TMCC2: variants seen among roughly 807,000 people sequenced by gnomAD.
TMCC2 encodes the protein transmembrane and coiled-coil domains protein 2.
A neutral mutation model predicts 49.4 loss-of-function variants in TMCC2; 16 were observed. The ratio of observed to expected loss-of-function variants is 0.32; its 90% CI spans 0.22 to 0.49. The LOEUF (loss-of-function observed/expected upper bound fraction) is 0.49. Among genes scored for constraint, TMCC2 ranks in the 20% least tolerant of loss-of-function variants. The pLI is 0.99. For missense variants in TMCC2, 762 were observed against 989.8 expected, an observed-to-expected ratio of 0.77 and a Z score of 3.09; for synonymous variants, 397 against 434.1, an observed-to-expected ratio of 0.91 and a Z score of 1.06.
Position 205,269,490 on chromosome 1 carries a change from A to G in TMCC2, c.1288A>G (p.Ser430Gly), listed in dbSNP as rs781497935. ...GGTGTCCAAGCCCCGGGAGTTTGCC[A>G]GCCTCATCCGCAACAAGTTTGGCAG... ...AVVSKPREFASLIRNKFGSAD... is the reference protein window; with the variant it reads ...AVVSKPREFAGLIRNKFGSAD... The change falls in exon 3 of 5, where the codon AGC becomes GGC. Residue 430 changes from serine (S) to glycine (G), a missense_variant. This residue lies in a region of TMCC2 where 440 missense variants were observed against 636.7 expected (regional missense o/e 0.69). Transcript: ENST00000358024. 1.2e-6 allele frequency: 2 copies of G among 1,608,452 alleles called. No individual in the cohort carries two copies. Among genetic ancestry groups the G allele is most frequent in the East Asian group, 2.2e-5 (1 of 44,718 alleles).
chr1:205,228,526 G>T lies in TMCC2; in HGVS notation c.-39G>T. ...GGTGCGGTCTTCCCCAAGACGGCGC[G>T]CTGGAAGGACAGATTCCCCTTGCCG... is the stretch of plus-strand genomic sequence containing the variant. On this transcript the variant is annotated 5_prime_UTR_variant, in exon 1 of 5. Transcript: ENST00000358024. 1.3e-6 allele frequency: 2 copies of T among 1,559,406 alleles called. No individual in the cohort carries two copies. Among genetic ancestry groups the T allele is most frequent in the Non-Finnish European group, 8.7e-7 (1 of 1,145,788 alleles).
chr1:205,269,258 G>A lies in TMCC2; in HGVS notation c.1056G>A (p.Lys352=), dbSNP rs1368209038. ...KSAQTIAQLH[K]KLEHYRRRLK... is the part of the protein sequence containing the mutation. ...CCCAGACCATCGCCCAGCTGCACAA[G>A]AAGCTGGAGCACTACCGCCGGCGCC... Residue 352 remains lysine, a synonymous_variant, in exon 3 of 5, where the codon AAG becomes AAA. Coordinates refer to ENST00000358024, the MANE Select transcript of TMCC2 (RefSeq NM_014858.4). 2.5e-6 allele frequency: 4 copies of A among 1,613,764 alleles called. No homozygotes were observed. The African/African-American group carries it at 5.3e-5, about 22-fold the overall frequency.
intron 1 of TMCC2, among the ~76,000 whole-genome samples, chr1:205,233,347 G>A (rs1261899947): frequency 2.0e-5 from 3 of 152,202 alleles, no homozygotes; most frequent in Non-Finnish European, 4.4e-5. Flanking sequence ...CTGGTTTGAA[G>A]CACTTTTGAC....
chr1:205,251,738 G>GC (rs1331551208), intron 2 of TMCC2, among the ~76,000 whole-genome samples: 1 of 152,188 alleles, frequency 6.6e-6, no homozygotes, highest in Non-Finnish European at 1.5e-5. Context: ...TTATGGGCAT[G>GC]CCCCCCAAGA....
intron 1 of TMCC2, among the ~76,000 whole-genome samples, chr1:205,233,366 C>T (rs150252165): frequency 3.3e-5 from 5 of 152,344 alleles, no homozygotes; most frequent in Middle Eastern, 3.4e-3. Context: ...ACTCAAGACT[C>T]ATTTGGGTTC....
At chr1:205,262,691 G>T (rs943535713) in intron 2 of TMCC2, among the ~76,000 whole-genome samples, 3 of 152,198 alleles carry the variant, frequency 2.0e-5, no homozygotes, top group Non-Finnish European at 4.4e-5. Context: ...GTTTGCCCCA[G>T]AGGGAGGCTA....
Position 205,271,839 on chromosome 1 carries a change from G to T in TMCC2, c.1845G>T (p.Arg615=), listed in dbSNP as rs774404733. The T allele has an allele frequency of 1.2e-6, 2 of 1,612,622 alleles. No individual in the cohort carries two copies. Among genetic ancestry groups the T allele is most frequent in the African/African-American group, 2.7e-5 (2 of 74,914 alleles). ...AGGCCGTGGAGTCCTGCCTGACCCGGGTCACCAAGCTGGAGCTGCAGCAGC... is the reference window on the plus strand; with the variant it reads ...AGGCCGTGGAGTCCTGCCTGACCCGTGTCACCAAGCTGGAGCTGCAGCAGC... ...IQEAVESCLT[R]VTKLELQQQQ... is the part of the protein sequence containing the mutation. The change falls in exon 5 of 5, where the codon CGG becomes CGT. Residue 615 remains arginine, a synonymous_variant. Coordinates refer to ENST00000358024, the MANE Select transcript of TMCC2 (RefSeq NM_014858.4).
At chr1:205,239,217 A>G (rs1278241009) in intron 1 of TMCC2, among the ~76,000 whole-genome samples, 1 of 152,236 alleles carries the variant, frequency 6.6e-6, no homozygotes, top group Non-Finnish European at 1.5e-5. Flanking sequence ...AATTCGTATT[A>G]TGGAATGTGA....
At position 205,264,495 on chromosome 1, in the gene TMCC2, T is replaced by G. The variant is rs2102600963; in HGVS notation, c.748-4455T>G. Among the ~76,000 whole-genome samples the G allele has an allele frequency of 6.6e-6, 1 of 151,760 alleles. No homozygotes were observed. The highest frequency in any genetic ancestry group is 2.4e-5 in the African/African-American group (1 of 41,368). Reference sequence around the variant, plus strand: ...CACCACACTCAGTTAATTTTGTTTTTTTTTTTTGGGACGGAGTCTCGCTCT... The same window carrying G: ...CACCACACTCAGTTAATTTTGTTTTGTTTTTTTGGGACGGAGTCTCGCTCT... On this transcript the variant is annotated intron_variant, in intron 2 of 4. Coordinates refer to ENST00000358024, the MANE Select transcript of TMCC2 (RefSeq NM_014858.4). This position sits in a 1 kb window ranked among gnomAD's most constrained non-coding sequence, Gnocchi z 4.2.
intron 2 of TMCC2, among the ~76,000 whole-genome samples, chr1:205,248,113 CA>C (rs1256456799): frequency 6.6e-6 from 1 of 152,136 alleles, no homozygotes; most frequent in African/African-American, 2.4e-5. Flanking sequence ...AAAACAAAAA[CA>C]AAACATTCTT....
At chr1:205,248,222 C>T (rs978839628) in intron 2 of TMCC2, among the ~76,000 whole-genome samples, 5 of 152,142 alleles carry the variant, frequency 3.3e-5, no homozygotes, top group Admixed American at 2.0e-4. Flanking sequence ...GCCTGGGCAA[C>T]ATGGTGAGAC....
intron 1 of TMCC2, among the ~76,000 whole-genome samples, chr1:205,234,633 G>A (rs1332625383): frequency 1.3e-5 from 2 of 151,972 alleles, no homozygotes; most frequent in Non-Finnish European, 2.9e-5. Flanking sequence ...GGTTAATCAG[G>A]AAAGTTGTTC....
At chr1:205,244,311 TGGGGTGAGGTCAGTGAGTAGGTGAAAG>T (rs1660378648) in intron 2 of TMCC2, among the ~76,000 whole-genome samples, 1 of 152,148 alleles carries the variant, frequency 6.6e-6, no homozygotes, top group Admixed American at 6.5e-5. Flanking sequence ...GAATTCTCAC[TGGGGTGAGGTCAGTGAGTAGGTGAAAG>T]GGTGTGAGAT....
At chr1:205,229,566 G>C in intron 1 of TMCC2, 2 of 815,074 alleles carry the variant, frequency 2.5e-6, no homozygotes, top group Non-Finnish European at 2.9e-6. Flanking sequence ...GGGTGGTGGC[G>C]GGGGCGGGGG....
At chr1:205,257,415 AG>A in intron 2 of TMCC2, 1 of 1,231,222 alleles carries the variant, frequency 8.1e-7, no homozygotes, top group Non-Finnish European at 1.0e-6. Flanking sequence ...GGCGGGGTGG[AG>A]TTGGGGGATG....
chr1:205,268,826 G>A (rs1661452898), intron 2 of TMCC2, 124 bp from the exon 3 acceptor site: 1 of 892,434 alleles, frequency 1.1e-6, no homozygotes, highest in Non-Finnish European at 1.7e-6. Context: ...CTCTTGTGGT[G>A]GTTGTCTTCT....
intron 2 of TMCC2, among the ~76,000 whole-genome samples, chr1:205,248,746 G>A (rs548059744): frequency 1.3e-5 from 2 of 151,858 alleles, no homozygotes; most frequent in South Asian, 4.2e-4. Flanking sequence ...AGCAGTTCCT[G>A]GAAAACCTAG....
chr1:205,238,354 CA>C (rs1187701251), intron 1 of TMCC2, among the ~76,000 whole-genome samples: 1 of 152,176 alleles, frequency 6.6e-6, no homozygotes, highest in East Asian at 1.9e-4. Context: ...TCCCGCCTCG[CA>C]CCTTATCAGT....
intron 1 of TMCC2, 101 bp downstream of exon 1, chr1:205,228,872 G>A (rs1378009579): frequency 1.4e-6 from 2 of 1,466,172 alleles, no homozygotes; most frequent in Non-Finnish European, 1.8e-6. Context: ...GGGGAAGCCA[G>A]GCAAAGGTCA....
Sources: allele counts gnomAD v4.1 joint callset (sites outside exome capture counted in the v4.1 genomes callset), GRCh38; gene constraint gnomAD v4.1.1; regional missense constraint gnomAD v4.1.1; non-coding constraint Gnocchi (gnomAD v3.1); transcripts MANE v1.5; gene names NCBI Gene and HGNC (gene_info 2026-07-23, HGNC 2026-07-21).